PIK3C3: variants seen among roughly 807,000 people sequenced by gnomAD.
PIK3C3 encodes phosphatidylinositol 3-kinase catalytic subunit type 3, also known as PI3-kinase type 3.
Under a neutral mutation model 126.1 loss-of-function variants are expected in PIK3C3, and 95 were observed. That is an observed-to-expected ratio of 0.75 (90% CI 0.64 to 0.89). The LOEUF is 0.89. Among genes scored for constraint, PIK3C3 ranks in the 40% least tolerant of loss-of-function variants. The probability of loss-of-function intolerance (pLI) is 0.00; values close to 1 mark genes in which losing one functional copy is unlikely to be tolerated. For synonymous variants in PIK3C3, 374 were observed against 360.0 expected, an observed-to-expected ratio of 1.04 and a Z score of -0.44; for missense variants, 829 against 1,063.2, an observed-to-expected ratio of 0.78 and a Z score of 3.06.
intron 3 of PIK3C3, among the ~76,000 whole-genome samples, chr18:41,966,573 A>G (rs1226390030): frequency 6.6e-6 from 1 of 152,206 alleles, no homozygotes; most frequent in Non-Finnish European, 1.5e-5. Flanking sequence ...ATGGAAAACA[A>G]GTATTATTTA....
intron 10 of PIK3C3, among the ~76,000 whole-genome samples, chr18:42,012,912 G>C (rs976009166): frequency 6.6e-6 from 1 of 151,970 alleles, no homozygotes; most frequent in Non-Finnish European, 1.5e-5. Context: ...TAAAACTTGA[G>C]CTTTCAGGAA....
intron 6 of PIK3C3, among the ~76,000 whole-genome samples, chr18:41,992,899 A>G (rs1267001681): frequency 6.6e-6 from 1 of 152,124 alleles, no homozygotes. Context: ...ATTGTGCCAC[A>G]TTTTACATAT....
chr18:41,993,208 C>A, intron 6 of PIK3C3, 62 bp from the exon 7 acceptor site: 1 of 943,694 alleles, frequency 1.1e-6, no homozygotes, highest in Non-Finnish European at 1.7e-6. Flanking sequence ...ATGTGTACAT[C>A]ATATACTGCT....
At chr18:42,024,373 G>A (rs1341442537) in intron 13 of PIK3C3, among the ~76,000 whole-genome samples, 1 of 151,956 alleles carries the variant, frequency 6.6e-6, no homozygotes, top group African/African-American at 2.4e-5. Context: ...CATATTTGGA[G>A]ATGACAGTGT....
Position 41,955,290 on chromosome 18 carries a change from C to T in PIK3C3, c.-2C>T, listed in dbSNP as rs144721357. ...GTAGGTGGTACCTTTGCAGACGGTG[C>T]GATGGGGGAAGCAGAGAAGTTTCAC... On this transcript the variant is annotated 5_prime_UTR_variant, in exon 1 of 25. Coordinates refer to ENST00000262039, the MANE Select transcript of PIK3C3 (RefSeq NM_002647.4). The T allele has an allele frequency of 2.2e-5, 36 of 1,611,794 alleles. No homozygotes were observed. In the African/African-American group the frequency reaches 2.4e-4, roughly 11 times the overall value.
intron 10 of PIK3C3, among the ~76,000 whole-genome samples, chr18:42,011,078 G>A (rs911087372): frequency 4.6e-5 from 7 of 152,156 alleles, no homozygotes; most frequent in Non-Finnish European, 1.0e-4. Context: ...CATAAACCAT[G>A]CTCTAAACAG....
intron 22 of PIK3C3, among the ~76,000 whole-genome samples, chr18:42,063,774 G>A (rs1985421661): frequency 6.6e-6 from 1 of 151,936 alleles, no homozygotes; most frequent in Non-Finnish European, 1.5e-5. Flanking sequence ...GTAGATAGCT[G>A]GAATAAAGAT....
intron 21 of PIK3C3, chr18:42,049,975 GAA>G (rs1205934658): frequency 2.3e-5 from 3 of 128,860 alleles, no homozygotes. Flanking sequence ...CGCCATCTTA[GAA>G]AAAAAAAAAA....
At chr18:42,022,587 A>G (rs1983377614) in intron 13 of PIK3C3, among the ~76,000 whole-genome samples, 1 of 152,116 alleles carries the variant, frequency 6.6e-6, no homozygotes, top group African/African-American at 2.4e-5. Flanking sequence ...ACTGTCAACA[A>G]TCTTAAGTAA....
chr18:42,076,088 G>GCA (rs1248704036), intron 24 of PIK3C3, among the ~76,000 whole-genome samples: 1 of 44,750 alleles, frequency 2.2e-5, no homozygotes, highest in African/African-American at 1.1e-4. Context: ...GCTTTACCTT[G>GCA]CATATATATA....
At chr18:42,078,254 G>A (rs1001462422) in intron 24 of PIK3C3, among the ~76,000 whole-genome samples, 3 of 151,494 alleles carry the variant, frequency 2.0e-5, no homozygotes, top group African/African-American at 4.8e-5. Flanking sequence ...GCGGGCGCCT[G>A]TAGTCCCAGC....
At chr18:41,984,042 A>G (rs1981342473) in intron 4 of PIK3C3, among the ~76,000 whole-genome samples, 1 of 151,782 alleles carries the variant, frequency 6.6e-6, no homozygotes, top group Admixed American at 6.6e-5. Context: ...TCCTTTAAAA[A>G]GAGAGAATGA....
chr18:42,080,201 T>C (rs901698717), intron 24 of PIK3C3, among the ~76,000 whole-genome samples: 2 of 152,204 alleles, frequency 1.3e-5, no homozygotes, highest in African/African-American at 4.8e-5. Context: ...TAATTGCCTT[T>C]AGTAAAAATA....
chr18:42,011,326 A>G (rs1194380263), intron 10 of PIK3C3, among the ~76,000 whole-genome samples: 2 of 152,236 alleles, frequency 1.3e-5, no homozygotes, highest in Non-Finnish European at 2.9e-5. Flanking sequence ...GTGGTGTAGT[A>G]TAGTCACCTG....
At chr18:42,063,242 A>G (rs1055955701) in intron 22 of PIK3C3, among the ~76,000 whole-genome samples, 4 of 152,124 alleles carry the variant, frequency 2.6e-5, no homozygotes, top group African/African-American at 7.2e-5. Context: ...TTATCAATTC[A>G]TTATATTAGT....
At chr18:41,963,629 G>A (rs1980207644) in intron 3 of PIK3C3, among the ~76,000 whole-genome samples, 1 of 152,038 alleles carries the variant, frequency 6.6e-6, no homozygotes, top group East Asian at 1.9e-4. Context: ...GATCTGTCTG[G>A]ATATTACAAA....
At chr18:42,006,408 A>C (rs111854331) in intron 10 of PIK3C3, among the ~76,000 whole-genome samples, 1 of 125,744 alleles carries the variant, frequency 8.0e-6, no homozygotes, top group Non-Finnish European at 1.6e-5. Context: ...GGCATGATTG[A>C]TTAAATCATT....
At chr18:41,959,418 T>C (rs1979963324) in intron 2 of PIK3C3, among the ~76,000 whole-genome samples, 1 of 152,230 alleles carries the variant, frequency 6.6e-6, no homozygotes, top group African/African-American at 2.4e-5. Context: ...GTTTGTAGTT[T>C]TTAAATTGTG....
chr18:42,004,626 AGT>A lies in PIK3C3; in HGVS notation c.1170+87_1170+88del, dbSNP rs565351843. 1.8e-4 allele frequency: 189 copies of A among 1,034,122 alleles called. No homozygotes were observed. In the African/African-American group the frequency reaches 2.7e-3, roughly 15 times the overall value. 64.1% of individuals were successfully genotyped at this position (1,034,122 alleles called of 1,614,324 possible). ...AACTATGTGTGTATGTGTGTGTGAG[AGT>A]GAGAGAGAGAGTGTGTGCACATGCA... On this transcript the variant is annotated intron_variant, in intron 10 of 24. Transcript: ENST00000262039.
Sources: gnomAD v4.1 joint callset for allele counts (sites outside exome capture counted in the v4.1 genomes callset) on GRCh38, gnomAD v4.1.1 for gene constraint, MANE v1.5 for transcripts, NCBI Gene and HGNC (gene_info 2026-07-23, HGNC 2026-07-21) for gene names.